The following SLC24A3 variants were observed in gnomAD, a reference collection of about 807,000 sequenced individuals.
SLC24A3 encodes the protein sodium/potassium/calcium exchanger 3.
A neutral mutation model predicts 75.8 loss-of-function variants in SLC24A3; 28 were observed. That is an observed-to-expected ratio of 0.37 (90% CI 0.27 to 0.51). The LOEUF (loss-of-function observed/expected upper bound fraction) is 0.51. SLC24A3 is among the 20% of genes least tolerant of loss of function. SLC24A3 has a pLI of 0.94. For missense variants in SLC24A3, 663 were observed against 847.8 expected, an observed-to-expected ratio of 0.78 and a Z score of 2.71; for synonymous variants, 372 against 334.1, an observed-to-expected ratio of 1.11 and a Z score of -1.24.
intron 1 of SLC24A3, among the ~76,000 whole-genome samples, chr20:19,244,499 G>A (rs916314575): frequency 2.0e-5 from 3 of 152,158 alleles, no homozygotes; most frequent in Non-Finnish European, 4.4e-5. Context: ...AAGTCCCAGC[G>A]CTGGGCAAGT....
At chr20:19,396,011 G>A (rs1443352842) in intron 2 of SLC24A3, among the ~76,000 whole-genome samples, 1 of 152,028 alleles carries the variant, frequency 6.6e-6, no homozygotes, top group Non-Finnish European at 1.5e-5. Context: ...ATGATATTTT[G>A]GCTGCAACAT....
At chr20:19,643,415 G>A (rs886261756) in intron 6 of SLC24A3, among the ~76,000 whole-genome samples, 4 of 152,120 alleles carry the variant, frequency 2.6e-5, no homozygotes, top group African/African-American at 7.2e-5. Context: ...GATCCTTCCC[G>A]ATATGAACCA....
At chr20:19,467,116 C>G (rs1033810168) in intron 2 of SLC24A3, among the ~76,000 whole-genome samples, 1 of 152,164 alleles carries the variant, frequency 6.6e-6, no homozygotes, top group Non-Finnish European at 1.5e-5. Context: ...TGAAAGATCA[C>G]TCTAGCTGTT....
In SLC24A3 at chr20:19,584,938, A is replaced by G. The variant is rs751031099; in HGVS notation, c.424-33A>G. 8.2e-6 allele frequency: 13 copies of G among 1,584,642 alleles called. No homozygotes were observed. In the East Asian group the frequency reaches 2.0e-4, roughly 25 times the overall value. ...ACCTCTCTTCCGAGATGGAATCCCA[A>G]CTCACCTGTGCTTTGTCTTTGCTCC... is the stretch of plus-strand genomic sequence containing the variant. On this transcript the variant is annotated intron_variant, in intron 4 of 16. Transcript: ENST00000328041.
At chr20:19,569,131 C>T (rs1364239646) in intron 3 of SLC24A3, among the ~76,000 whole-genome samples, 1 of 152,186 alleles carries the variant, frequency 6.6e-6, no homozygotes, top group African/African-American at 2.4e-5. Context: ...AATGGGCCTG[C>T]CCTTCCCTGG....
At chr20:19,216,283 A>C (rs1981550922) in intron 1 of SLC24A3, among the ~76,000 whole-genome samples, 1 of 126,906 alleles carries the variant, frequency 7.9e-6, no homozygotes, top group Non-Finnish European at 1.6e-5. Flanking sequence ...TTTGACATGA[A>C]CTACCCAGCC....
intron 2 of SLC24A3, among the ~76,000 whole-genome samples, chr20:19,340,764 G>A (rs968387730): frequency 2.0e-5 from 3 of 152,118 alleles, no homozygotes; most frequent in African/African-American, 7.2e-5. Context: ...CTCTTATCTT[G>A]TCATCTAGTT....
chr20:19,700,050 A>G (rs184781230), intron 15 of SLC24A3, among the ~76,000 whole-genome samples: 4 of 152,356 alleles, frequency 2.6e-5, no homozygotes, highest in African/African-American at 7.2e-5. Context: ...AAGGTCAACC[A>G]TGGTTCAGGA....
chr20:19,503,496 G>A (rs1023947475), intron 2 of SLC24A3, among the ~76,000 whole-genome samples: 1 of 152,154 alleles, frequency 6.6e-6, no homozygotes, highest in African/African-American at 2.4e-5. Flanking sequence ...CCTTAAAAGA[G>A]TTTCAGGAGT....
At chr20:19,661,932 G>C (rs755989631) in intron 7 of SLC24A3, among the ~76,000 whole-genome samples, 3 of 152,210 alleles carry the variant, frequency 2.0e-5, no homozygotes, top group Non-Finnish European at 4.4e-5. Flanking sequence ...TTGCTTGGAA[G>C]AATTCTGGAG....
intron 2 of SLC24A3, among the ~76,000 whole-genome samples, chr20:19,477,147 CCTT>C (rs769791355): frequency 1.3e-5 from 2 of 152,000 alleles, no homozygotes; most frequent in South Asian, 2.1e-4. Context: ...AGGAAGTACT[CCTT>C]CTTTATAATG....
At chr20:19,619,830 T>C (rs2122673888) in intron 6 of SLC24A3, among the ~76,000 whole-genome samples, 1 of 152,312 alleles carries the variant, frequency 6.6e-6, no homozygotes, top group Admixed American at 6.5e-5. Context: ...GAAGACCAAG[T>C]CTGATTATGA....
At chr20:19,217,850 C>T (rs1205847504) in intron 1 of SLC24A3, among the ~76,000 whole-genome samples, 1 of 152,190 alleles carries the variant, frequency 6.6e-6, no homozygotes, top group Non-Finnish European at 1.5e-5. Context: ...TAGTGAATTC[C>T]TCACTACCTG....
chr20:19,442,331 T>C (rs1444950041), intron 2 of SLC24A3, among the ~76,000 whole-genome samples: 11 of 152,202 alleles, frequency 7.2e-5, no homozygotes, highest in Admixed American at 3.3e-4. Context: ...CCACCAGTAA[T>C]GAATAAAAGT....
chr20:19,611,840 G>A (rs1303689735), intron 6 of SLC24A3, among the ~76,000 whole-genome samples: 2 of 152,104 alleles, frequency 1.3e-5, no homozygotes. Flanking sequence ...ACTGACCCTT[G>A]GCCTCTTCCT....
At chr20:19,381,687 C>T (rs1415660991) in intron 2 of SLC24A3, among the ~76,000 whole-genome samples, 1 of 152,194 alleles carries the variant, frequency 6.6e-6, no homozygotes, top group Non-Finnish European at 1.5e-5. Flanking sequence ...TTCTTTATTT[C>T]TTAAGGCTCT....
chr20:19,387,934 T>C (rs1986299175), intron 2 of SLC24A3, among the ~76,000 whole-genome samples: 1 of 152,218 alleles, frequency 6.6e-6, no homozygotes, highest in South Asian at 2.1e-4. Context: ...CCTCTACTAT[T>C]ATTGTTTTTA....
At chr20:19,682,015 G>A (rs1426467108) in intron 10 of SLC24A3, 24 bp downstream of exon 10, 4 of 1,611,876 alleles carry the variant, frequency 2.5e-6, no homozygotes, top group Non-Finnish European at 3.4e-6. Context: ...GCACTTTGGG[G>A]TCCAAGGCAG....
chr20:19,676,292 A>G (rs182463635), intron 9 of SLC24A3, among the ~76,000 whole-genome samples: 1 of 152,262 alleles, frequency 6.6e-6, no homozygotes, highest in African/African-American at 2.4e-5. Context: ...CTCTTCCCCA[A>G]ACCGTACCAA....
Sources: gnomAD v4.1 joint callset for allele counts (sites outside exome capture counted in the v4.1 genomes callset) on GRCh38, gnomAD v4.1.1 for gene constraint, MANE v1.5 for transcripts, NCBI Gene and HGNC (gene_info 2026-07-23, HGNC 2026-07-21) for gene names.